LGSN: variants seen among roughly 807,000 people sequenced by gnomAD.
LGSN encodes lengsin, lens protein with glutamine synthetase domain, also known as lengsin.
A neutral mutation model predicts 19.5 loss-of-function variants in LGSN; 21 were observed. The ratio of observed to expected loss-of-function variants is 1.07; its 90% CI spans 0.76 to 1.55. The LOEUF (loss-of-function observed/expected upper bound fraction) is 1.55, where lower values mean the gene tolerates loss of function less well. LGSN is among the 40% of genes most tolerant of loss of function. The pLI, the probability that LGSN is intolerant of heterozygous loss-of-function variation, is 0.00. For missense variants in LGSN, 673 were observed against 608.5 expected (o/e 1.11, Z -1.12); for synonymous variants, 257 against 215.6 (o/e 1.19, Z -1.68).
intron 1 of LGSN, among the ~76,000 whole-genome samples, chr6:63,319,521 C>T (rs1769005502): frequency 1.3e-5 from 2 of 152,116 alleles, no homozygotes; most frequent in African/African-American, 2.4e-5. Flanking sequence ...CAGGTTTCCA[C>T]CTTTAGTCAT....
At chr6:63,351,432 AGGAAGAG>A in the LGSN span, among the ~76,000 whole-genome samples, 83 of 144,866 alleles carry the variant, frequency 5.7e-4, no homozygotes, top group Non-Finnish European at 1.1e-3. Context: ...AGAGAGAGAG[AGGAAGAG>A]AGAGAGAGAG....
At chr6:63,493,429 T>C in the LGSN span, among the ~76,000 whole-genome samples, 2 of 152,128 alleles carry the variant, frequency 1.3e-5, no homozygotes, top group Non-Finnish European at 2.9e-5. Flanking sequence ...ATGGAAGAAA[T>C]GTTCCTTAGA....
At chr6:63,387,954 C>A in the LGSN span, among the ~76,000 whole-genome samples, 1 of 152,168 alleles carries the variant, frequency 6.6e-6, no homozygotes, top group Non-Finnish European at 1.5e-5. Context: ...CAACCTCCGC[C>A]TCCCAGGCTC....
chr6:63,280,026 T>G lies in LGSN; in HGVS notation c.1525A>C (p.Ile509Leu), dbSNP rs977743643. 2.5e-6 allele frequency: 4 copies of G among 1,596,662 alleles called. No homozygotes were observed. The Admixed American group carries it at 6.9e-5, about 28-fold the overall frequency. ...GAGTAGTTGTGAGCTCTATTCTAAA[T>G]AAAATACTCTAAGAATTTATTTCTC... ...AERNKFLEYF[I>L] Residue 509 changes from isoleucine (I) to leucine (L), a missense_variant, in exon 4 of 4, where the codon ATT becomes CTT. By Grantham distance (5) the Ile-to-Leu change is conservative. Coordinates refer to ENST00000370657, the MANE Select transcript of LGSN (RefSeq NM_016571.3).
In LGSN at chr6:63,281,082, T is replaced by G; in HGVS notation, c.469A>C (p.Arg157=). The change falls in exon 4 of 4, where the codon AGA becomes CGA. Residue 157 remains arginine, a synonymous_variant. Coordinates refer to ENST00000370657, the MANE Select transcript of LGSN (RefSeq NM_016571.3). ...GTTCTGTCAGCCCATGGCAAAACTC[T>G]AAAGGTTGATAACTCTGGCATTAGG... ...IVLMPELSTF[R]VLPWADRTAR... The G allele has an allele frequency of 6.2e-7, 1 of 1,613,934 alleles. No individual in the cohort carries two copies. Among genetic ancestry groups the G allele is most frequent in the Non-Finnish European group, 8.5e-7 (1 of 1,179,966 alleles).
chr6:63,385,732 T>C, the LGSN span, among the ~76,000 whole-genome samples: 3 of 152,230 alleles, frequency 2.0e-5, no homozygotes, highest in Non-Finnish European at 4.4e-5. Context: ...AGGTGGGAAT[T>C]ACAATCTTGG....
At chr6:63,467,612 G>A in the LGSN span, among the ~76,000 whole-genome samples, 1 of 152,196 alleles carries the variant, frequency 6.6e-6, no homozygotes, top group Admixed American at 6.5e-5. Flanking sequence ...CAAGCCTGGT[G>A]TCTCTTCCTC....
the LGSN span, among the ~76,000 whole-genome samples, chr6:63,539,466 A>C: frequency 6.6e-6 from 1 of 152,170 alleles, no homozygotes; most frequent in African/African-American, 2.4e-5. Flanking sequence ...AACAAGGAAC[A>C]GGAAATCTAA....
chr6:63,513,999 T>A, the LGSN span, among the ~76,000 whole-genome samples: 6 of 150,800 alleles, frequency 4.0e-5, no homozygotes, highest in Admixed American at 1.3e-4. Flanking sequence ...ATAAGGAATA[T>A]GTATTAAGAT....
At chr6:63,452,860 A>C in the LGSN span, among the ~76,000 whole-genome samples, 4 of 150,432 alleles carry the variant, frequency 2.7e-5, no homozygotes, top group Non-Finnish European at 5.9e-5. Flanking sequence ...CTTTTTTTCT[A>C]GTATGTTAAG....
chr6:63,434,439 CAAA>C, the LGSN span, among the ~76,000 whole-genome samples: 5 of 106,002 alleles, frequency 4.7e-5, no homozygotes, highest in Admixed American at 1.1e-4. Context: ...GACTCCATCT[CAAA>C]AAAAAAAAAA....
chr6:63,480,809 G>C, the LGSN span, among the ~76,000 whole-genome samples: 1 of 122,660 alleles, frequency 8.2e-6, no homozygotes. Context: ...CAAAGGAAAA[G>C]AAGTCATTAT....
chr6:63,304,245 A>T (rs1319145477), intron 1 of LGSN, among the ~76,000 whole-genome samples: 1 of 152,232 alleles, frequency 6.6e-6, no homozygotes, highest in East Asian at 1.9e-4. Context: ...GTTAAATAAA[A>T]CATTGCCAAG....
At chr6:63,418,241 T>C in the LGSN span, among the ~76,000 whole-genome samples, 2 of 152,198 alleles carry the variant, frequency 1.3e-5, no homozygotes, top group Non-Finnish European at 2.9e-5. Context: ...CTCACAGTAA[T>C]GTCAACTAAA....
At chr6:63,299,617 A>T (rs546545802) in intron 1 of LGSN, among the ~76,000 whole-genome samples, 1 of 152,224 alleles carries the variant, frequency 6.6e-6, no homozygotes, top group Non-Finnish European at 1.5e-5. Flanking sequence ...ATTGGGGGAA[A>T]GAAAAACTAT....
the LGSN span, among the ~76,000 whole-genome samples, chr6:63,383,120 T>C: frequency 6.6e-6 from 1 of 152,036 alleles, no homozygotes; most frequent in Non-Finnish European, 1.5e-5. Context: ...ATTTATTTGT[T>C]TGTTTGTTTG....
At chr6:63,530,474 A>G in the LGSN span, among the ~76,000 whole-genome samples, 1 of 152,216 alleles carries the variant, frequency 6.6e-6, no homozygotes, top group Non-Finnish European at 1.5e-5. Flanking sequence ...TTAGACGCCC[A>G]GATGTAAATG....
chr6:63,326,580 C>T, the LGSN span, among the ~76,000 whole-genome samples: 1 of 151,800 alleles, frequency 6.6e-6, no homozygotes, highest in Non-Finnish European at 1.5e-5. Flanking sequence ...GGCTGCAGGT[C>T]CTGAGCCCTC....
chr6:63,314,754 A>T (rs1028362617), intron 1 of LGSN, among the ~76,000 whole-genome samples: 1 of 152,220 alleles, frequency 6.6e-6, no homozygotes, highest in South Asian at 2.1e-4. Flanking sequence ...TAAAGGCTTA[A>T]GGAGAATGGA....
Sources: allele counts gnomAD v4.1 joint callset (sites outside exome capture counted in the v4.1 genomes callset), GRCh38; gene constraint gnomAD v4.1.1; transcripts MANE v1.5; gene names NCBI Gene and HGNC (gene_info 2026-07-23, HGNC 2026-07-21).